PPP2R2C: variants seen among roughly 807,000 people sequenced by gnomAD.
The protein encoded by PPP2R2C is protein phosphatase 2, regulatory subunit B, gamma.
A neutral mutation model predicts 45.3 loss-of-function variants in PPP2R2C; 10 were observed. The ratio of observed to expected loss-of-function variants is 0.22; its 90% CI spans 0.14 to 0.37. The LOEUF is 0.37. PPP2R2C is among the 10% of genes least tolerant of loss of function. The probability of loss-of-function intolerance (pLI) is 1.00; values close to 1 mark genes in which losing one functional copy is unlikely to be tolerated. For synonymous variants in PPP2R2C, 257 were observed against 245.4 expected (o/e 1.05, Z -0.44); for missense variants, 308 against 619.7 (o/e 0.50, Z 5.34).
At chr4:6,372,453 A>G in intron 5 of PPP2R2C, 70 bp downstream of exon 5, 1 of 1,536,804 alleles carries the variant, frequency 6.5e-7, no homozygotes, top group Non-Finnish European at 8.9e-7. Flanking sequence ...TGCCAATCAA[A>G]CCAAACCCAC....
At chr4:6,442,422 G>T (rs569048827) in intron 1 of PPP2R2C, among the ~76,000 whole-genome samples, 1 of 152,336 alleles carries the variant, frequency 6.6e-6, no homozygotes, top group East Asian at 1.9e-4. Flanking sequence ...ACTGCCCTTG[G>T]CCACGTGCTT....
intron 1 of PPP2R2C, among the ~76,000 whole-genome samples, chr4:6,415,851 C>A (rs1397845926): frequency 6.6e-6 from 1 of 152,212 alleles, no homozygotes; most frequent in African/African-American, 2.4e-5. Flanking sequence ...GAGCTCACTA[C>A]CACATTACAC....
chr4:6,455,975 A>G (rs58662265), intron 1 of PPP2R2C, among the ~76,000 whole-genome samples: 53,561 of 147,524 alleles, frequency 0.36, 10,357 homozygotes, highest in Non-Finnish European at 0.46. Context: ...TGTCTCCCTC[A>G]TTCCAGAAAT....
chr4:6,503,511 G>GT (rs934050107), intron 2 of PPP2R2C, among the ~76,000 whole-genome samples: 13 of 152,118 alleles, frequency 8.5e-5, no homozygotes, highest in African/African-American at 3.1e-4. Flanking sequence ...TCTATTTACT[G>GT]TATGTGTTTT....
At chr4:6,431,182 G>T (rs1161590460) in intron 1 of PPP2R2C, among the ~76,000 whole-genome samples, 2 of 152,202 alleles carry the variant, frequency 1.3e-5, no homozygotes, top group Non-Finnish European at 2.9e-5. Flanking sequence ...AGGGTGTGCA[G>T]GTCCGTGTTT....
In PPP2R2C at chr4:6,423,743, G is replaced by A. The variant is rs1192267277; in HGVS notation, c.71-42649C>T. Among the ~76,000 whole-genome samples the A allele has an allele frequency of 2.6e-5, 4 of 152,306 alleles. 1 individual carries two copies. In the South Asian group the frequency reaches 8.3e-4, roughly 32 times the overall value. The stretch of plus-strand genomic sequence containing the variant: ...AGGAGTCAGTGGGAGGGAGCTAGAG[G>A]GTAGGAACCAGCTTGGTGTGTTTGA... On this transcript the variant is annotated intron_variant, in intron 1 of 8. Transcript: ENST00000382599.
chr4:6,436,374 C>A (rs900470510), intron 1 of PPP2R2C, among the ~76,000 whole-genome samples: 1 of 152,246 alleles, frequency 6.6e-6, no homozygotes, highest in East Asian at 1.9e-4. Context: ...CTGAGCTTTA[C>A]AGCCATGGGC....
intron 1 of PPP2R2C, among the ~76,000 whole-genome samples, chr4:6,413,478 G>T (rs1718328891): frequency 6.6e-6 from 1 of 152,204 alleles, no homozygotes; most frequent in South Asian, 2.1e-4. Flanking sequence ...CACTTATGGA[G>T]CATACTTAGT....
intron 2 of PPP2R2C, among the ~76,000 whole-genome samples, chr4:6,506,459 C>T (rs970498932): frequency 5.9e-5 from 9 of 152,178 alleles, no homozygotes; most frequent in African/African-American, 1.7e-4. Flanking sequence ...ATCTTATTCA[C>T]ATGGAAACAG....
rs543793123 is a variant in PPP2R2C at position 6,521,000 on chromosome 4, A to C, written c.49+14271T>G. 3.5e-4 allele frequency among the ~76,000 whole-genome samples: 53 copies of C among 152,356 alleles called. No individual in the cohort carries two copies. The South Asian group carries it at 0.011, about 31-fold the overall frequency. ...GGCTTACATACCTCCTTATCCTGAT[A>C]GGACAGAATGCAGATGAGGAGCAAA... On this transcript the variant is annotated intron_variant, in intron 2 of 9. Coordinates refer to the PPP2R2C transcript ENST00000506140.
At chr4:6,527,821 C>G (rs1298662280) in intron 2 of PPP2R2C, among the ~76,000 whole-genome samples, 1 of 152,174 alleles carries the variant, frequency 6.6e-6, no homozygotes, top group Non-Finnish European at 1.5e-5. Flanking sequence ...GCAATGGCCA[C>G]CCGAGAAGTG....
Position 6,345,525 on chromosome 4 carries a change from C to T in PPP2R2C, c.790+2321G>A, listed in dbSNP as rs150306889. 3.3e-3 allele frequency among the ~76,000 whole-genome samples: 503 copies of T among 152,270 alleles called. 2 individuals are homozygous for T. The highest frequency in any genetic ancestry group is 0.011 in the African/African-American group (461 of 41,538). On this transcript the variant is annotated intron_variant, in intron 6 of 8. Coordinates refer to ENST00000382599, the MANE Select transcript of PPP2R2C (RefSeq NM_020416.4). This position sits in a 1 kb window ranked among gnomAD's most constrained non-coding sequence, Gnocchi z 5.3. Reference sequence around the variant, plus strand: ...CAAGGCGATCACAAGGGCCTTTATACGCGAAAGACAGACAGGAGGGTCAGA... The same window carrying T: ...CAAGGCGATCACAAGGGCCTTTATATGCGAAAGACAGACAGGAGGGTCAGA...
chr4:6,411,764 G>C (rs1718219860), intron 1 of PPP2R2C, among the ~76,000 whole-genome samples: 1 of 151,990 alleles, frequency 6.6e-6, no homozygotes, highest in African/African-American at 2.4e-5. Flanking sequence ...GTGTTAGCCA[G>C]GATGGTCTCA....
intron 2 of PPP2R2C, among the ~76,000 whole-genome samples, chr4:6,478,604 A>G (rs1408453796): frequency 1.3e-5 from 2 of 152,228 alleles, no homozygotes; most frequent in Admixed American, 1.3e-4. Flanking sequence ...TGTTGGTGAC[A>G]GCAGCACATC....
rs191452537 is a variant in PPP2R2C, at chr4:6,538,758, C to T, written c.-58-3381G>A. 5.3e-5 allele frequency among the ~76,000 whole-genome samples: 8 copies of T among 152,358 alleles called. No individual in the cohort carries two copies. The East Asian group carries it at 1.3e-3, about 26-fold the overall frequency. On this transcript the variant is annotated intron_variant, in intron 1 of 9. Transcript: ENST00000506140. ...GCAGTCTGTCCCTCTAACTTGTTCTCGTTACAAAGGCAGCAGACGCGTGGA... is the reference window on the plus strand; with the variant it reads ...GCAGTCTGTCCCTCTAACTTGTTCTTGTTACAAAGGCAGCAGACGCGTGGA...
intron 1 of PPP2R2C, among the ~76,000 whole-genome samples, chr4:6,457,908 T>C (rs529891951): frequency 6.6e-6 from 1 of 152,350 alleles, no homozygotes; most frequent in African/African-American, 2.4e-5. Context: ...CCTTTGCACT[T>C]TCAACACTGT....
chr4:6,450,735 G>A (rs1325046504), intron 1 of PPP2R2C, among the ~76,000 whole-genome samples: 3 of 152,160 alleles, frequency 2.0e-5, no homozygotes, highest in Non-Finnish European at 2.9e-5. Context: ...TTCCTGAGAG[G>A]TGAAACCCCC....
chr4:6,472,098 C>T, intron 1 of PPP2R2C, 62 bp downstream of exon 1: 3 of 1,605,376 alleles, frequency 1.9e-6, no homozygotes, highest in South Asian at 2.2e-5. Context: ...GGAGGGCATT[C>T]GGTGCGACGG....
intron 6 of PPP2R2C, among the ~76,000 whole-genome samples, chr4:6,343,731 C>T (rs1450144363): frequency 6.6e-6 from 1 of 152,086 alleles, no homozygotes; most frequent in East Asian, 1.9e-4. Flanking sequence ...ATTCTTCTCT[C>T]CCTCAAAAGG....
Sources: gnomAD v4.1 joint callset for allele counts (sites outside exome capture counted in the v4.1 genomes callset) on GRCh38, gnomAD v4.1.1 for gene constraint, Gnocchi (gnomAD v3.1) non-coding constraint, MANE v1.5 for transcripts, NCBI Gene and HGNC (gene_info 2026-07-23, HGNC 2026-07-21) for gene names.